The following CLSTN2 variants were observed in gnomAD, a reference collection of about 807,000 sequenced individuals.
CLSTN2 encodes calsyntenin 2, also known as calsyntenin-2.
Under a neutral mutation model 101.2 loss-of-function variants are expected in CLSTN2, and 48 were observed. The ratio of observed to expected loss-of-function variants is 0.47; its 90% CI spans 0.38 to 0.60. CLSTN2 has a LOEUF of 0.60. Ranked by LOEUF, CLSTN2 falls within the 20% of genes least tolerant of loss-of-function variation. The pLI is 0.00. For missense variants in CLSTN2, 1,160 were observed against 1,238.2 expected, an observed-to-expected ratio of 0.94 and a Z score of 0.95; for synonymous variants, 481 against 463.6, an observed-to-expected ratio of 1.04 and a Z score of -0.48.
At chr3:140,266,016 T>C (rs551281603) in intron 2 of CLSTN2, among the ~76,000 whole-genome samples, 92 of 152,178 alleles carry the variant, frequency 6.0e-4, no homozygotes, top group Non-Finnish European at 1.0e-3. Context: ...ACAGACCCAC[T>C]GTGATTCGTG....
intron 1 of CLSTN2, among the ~76,000 whole-genome samples, chr3:140,052,202 A>C (rs1253972283): frequency 6.6e-6 from 1 of 152,128 alleles, no homozygotes; most frequent in East Asian, 1.9e-4. Flanking sequence ...TCTGTCGCCC[A>C]GGCTGGAGTG....
intron 1 of CLSTN2, among the ~76,000 whole-genome samples, chr3:140,079,702 G>T (rs1316009876): frequency 6.6e-6 from 1 of 150,796 alleles, no homozygotes. Flanking sequence ...AGTGAGCCGA[G>T]GTTGTGCCAC....
intron 2 of CLSTN2, among the ~76,000 whole-genome samples, chr3:140,309,198 G>C (rs887558448): frequency 1.3e-5 from 2 of 152,102 alleles, no homozygotes; most frequent in Non-Finnish European, 2.9e-5. Flanking sequence ...AGAAGTATAG[G>C]GTCCTGGGAA....
intron 2 of CLSTN2, among the ~76,000 whole-genome samples, chr3:140,253,643 C>A (rs967001433): frequency 3.3e-5 from 5 of 152,058 alleles, no homozygotes; most frequent in Non-Finnish European, 5.9e-5. Flanking sequence ...AGACCTGTTT[C>A]TTTATTTGCC....
intron 10 of CLSTN2, among the ~76,000 whole-genome samples, chr3:140,553,652 T>C (rs946177727): frequency 6.6e-6 from 1 of 151,958 alleles, no homozygotes; most frequent in South Asian, 2.1e-4. Flanking sequence ...TGGGGTGGGG[T>C]TTCTGCATAG....
chr3:140,418,482 T>TTATTCTAG (rs1352013259), intron 4 of CLSTN2, among the ~76,000 whole-genome samples: 1 of 151,554 alleles, frequency 6.6e-6, no homozygotes, highest in Admixed American at 6.6e-5. Context: ...GCAGAATAGA[T>TTATTCTAG]TATTCTAGTT....
Position 140,421,137 on chromosome 3 carries a change from A to T in CLSTN2, c.650A>T (p.Asn217Ile). The T allele has an allele frequency of 1.2e-6, 2 of 1,613,978 alleles. No homozygotes were observed. Among genetic ancestry groups the T allele is most frequent in the Non-Finnish European group, 1.7e-6 (2 of 1,179,952 alleles). The change falls in exon 5 of 17, where the codon AAC becomes ATC. Residue 217 changes from asparagine (N) to isoleucine (I), a missense_variant. Coordinates refer to ENST00000458420, the MANE Select transcript of CLSTN2 (RefSeq NM_022131.3). ...CTCTGTTCCTCAGGCAACATCAGGA[A>T]CACTGAGAAGCTGAGCTATGACAAA... The part of the protein sequence containing the change: ...FAIDRNGNIR[N>I]TEKLSYDKQH...
intron 6 of CLSTN2, chr3:140,449,322 T>C (rs768394764): frequency 6.6e-5 from 10 of 152,268 alleles, no homozygotes; most frequent in Non-Finnish European, 1.3e-4. Context: ...AGATGGAGTC[T>C]TTCCTTATTC....
intron 1 of CLSTN2, among the ~76,000 whole-genome samples, chr3:139,994,493 G>A (rs145333713): frequency 4.9e-4 from 74 of 152,266 alleles, no homozygotes; most frequent in African/African-American, 1.7e-3. Context: ...GGGCCACCAC[G>A]TAAAGTATTC....
intron 1 of CLSTN2, among the ~76,000 whole-genome samples, chr3:140,000,938 G>T (rs2006821641): frequency 6.6e-6 from 1 of 152,194 alleles, no homozygotes; most frequent in Middle Eastern, 3.2e-3. Context: ...ATTGGCATGT[G>T]TCTTGATTCT....
At chr3:140,333,457 A>C (rs2087407973) in intron 2 of CLSTN2, among the ~76,000 whole-genome samples, 3 of 152,098 alleles carry the variant, frequency 2.0e-5, no homozygotes, top group Non-Finnish European at 2.9e-5. Context: ...CACTCTAGAA[A>C]ATAAAGCCCA....
At chr3:140,041,694 C>T (rs16849745) in intron 1 of CLSTN2, among the ~76,000 whole-genome samples, 33,994 of 152,068 alleles carry the variant, frequency 0.22, 3,952 homozygotes, top group Middle Eastern at 0.3. Context: ...GTCTCCTTTC[C>T]GGGCCTCACC....
chr3:140,219,696 G>A (rs2086250391), intron 2 of CLSTN2, among the ~76,000 whole-genome samples: 1 of 152,168 alleles, frequency 6.6e-6, no homozygotes. Context: ...TGGAATTGGA[G>A]ACAGCAGGGC....
At chr3:140,145,807 A>G (rs1461594879) in intron 1 of CLSTN2, among the ~76,000 whole-genome samples, 2 of 152,250 alleles carry the variant, frequency 1.3e-5, no homozygotes, top group African/African-American at 2.4e-5. Context: ...GGTTCAAAAA[A>G]TATTCTTGGA....
intron 2 of CLSTN2, among the ~76,000 whole-genome samples, chr3:140,180,372 T>C (rs2010390026): frequency 6.6e-6 from 1 of 152,220 alleles, no homozygotes. Flanking sequence ...TGATGCTCAG[T>C]CAGTGAAACC....
chr3:140,549,251 T>C (rs968864348), intron 10 of CLSTN2, among the ~76,000 whole-genome samples: 6 of 145,874 alleles, frequency 4.1e-5, no homozygotes, highest in Non-Finnish European at 6.0e-5. Flanking sequence ...GATGCTGGGC[T>C]CAAAAGTCAT....
chr3:140,046,414 C>T (rs1386057906), intron 1 of CLSTN2, among the ~76,000 whole-genome samples: 4 of 152,120 alleles, frequency 2.6e-5, no homozygotes, highest in African/African-American at 7.2e-5. Flanking sequence ...TGTCTCTGCA[C>T]GTGAGATGGG....
At chr3:140,513,494 G>T (rs1315289697) in intron 8 of CLSTN2, among the ~76,000 whole-genome samples, 1 of 151,790 alleles carries the variant, frequency 6.6e-6, no homozygotes, top group Non-Finnish European at 1.5e-5. Flanking sequence ...TAGATGTGCT[G>T]CTGTATTCAG....
At position 140,232,036 on chromosome 3, in the gene CLSTN2, C is replaced by T. The variant is rs115604434; in HGVS notation, c.232+55963C>T. Among the ~76,000 whole-genome samples, 1,388 of 152,168 alleles carry T rather than the reference C, an allele frequency of 9.1e-3. 17 individuals carry two copies. The highest frequency in any genetic ancestry group is 0.022 in the African/African-American group (911 of 41,512). On this transcript the variant is annotated intron_variant, in intron 2 of 16. Coordinates refer to ENST00000458420, the MANE Select transcript of CLSTN2 (RefSeq NM_022131.3). ...TCTTTGGGTCAGTGTGAGGATTCAA[C>T]GAGGAAAAGTATTTAAAATATCTAT...
Sources: allele counts gnomAD v4.1 joint callset (sites outside exome capture counted in the v4.1 genomes callset), GRCh38; gene constraint gnomAD v4.1.1; transcripts MANE v1.5; gene names NCBI Gene and HGNC (gene_info 2026-07-23, HGNC 2026-07-21).